The following FYN variants were observed in gnomAD, a reference collection of about 807,000 sequenced individuals.
The protein encoded by FYN is FYN proto-oncogene, Src family tyrosine kinase.
In FYN, 10 loss-of-function variants were observed where a neutral mutation model predicts 70.2. The ratio of observed to expected loss-of-function variants is 0.14; its 90% CI spans 0.09 to 0.24. The LOEUF is 0.24. Among genes scored for constraint, FYN ranks in the 10% least tolerant of loss-of-function variants. The probability of loss-of-function intolerance (pLI) is 1.00; values close to 1 mark genes in which losing one functional copy is unlikely to be tolerated. For missense variants in FYN, 319 were observed against 673.1 expected, an observed-to-expected ratio of 0.47 and a Z score of 5.82; for synonymous variants, 236 against 248.6, an observed-to-expected ratio of 0.95 and a Z score of 0.48.
chr6:111,734,893 T>C (rs1450083901), intron 3 of FYN, among the ~76,000 whole-genome samples: 6 of 152,188 alleles, frequency 3.9e-5, no homozygotes, highest in African/African-American at 1.4e-4. Flanking sequence ...GGGCTGCCGG[T>C]ATAAAGTCAA....
At chr6:111,719,635 C>T in intron 4 of FYN, 170 bp downstream of exon 4, 5 of 753,474 alleles carry the variant, frequency 6.6e-6, no homozygotes, top group Non-Finnish European at 8.3e-6. Context: ...TTTGTTTGTA[C>T]ATCAAACTCT....
chr6:111,857,016 G>A (rs1237870269), intron 1 of FYN, among the ~76,000 whole-genome samples: 4 of 152,118 alleles, frequency 2.6e-5, no homozygotes. Context: ...GAGATGAAAT[G>A]CAATTAAAAA....
intron 2 of FYN, among the ~76,000 whole-genome samples, chr6:111,788,481 G>A (rs572810436): frequency 6.6e-6 from 1 of 152,286 alleles, no homozygotes; most frequent in East Asian, 1.9e-4. Flanking sequence ...ACTGCTGTGT[G>A]AGTCTTTGTT....
At chr6:111,678,597 C>A (rs928960454) in intron 12 of FYN, among the ~76,000 whole-genome samples, 9 of 152,126 alleles carry the variant, frequency 5.9e-5, no homozygotes, top group African/African-American at 2.2e-4. Context: ...TCTCTCGAGT[C>A]CCTGACTTGC....
At chr6:111,679,384 T>C (rs1798688050) in intron 12 of FYN, among the ~76,000 whole-genome samples, 1 of 152,162 alleles carries the variant, frequency 6.6e-6, no homozygotes, top group African/African-American at 2.4e-5. Context: ...TAAAGGGCAA[T>C]GAATGCATGA....
intron 3 of FYN, among the ~76,000 whole-genome samples, chr6:111,757,185 TTCTA>T (rs1200168072): frequency 6.6e-6 from 1 of 152,204 alleles, no homozygotes; most frequent in Non-Finnish European, 1.5e-5. Flanking sequence ...AAAATTTTAT[TTCTA>T]TCCACGAGCA....
intron 13 of FYN, among the ~76,000 whole-genome samples, chr6:111,663,269 T>C (rs1014714846): frequency 6.6e-6 from 1 of 152,210 alleles, no homozygotes; most frequent in African/African-American, 2.4e-5. Context: ...TTTCTTCCCC[T>C]ATTTCCCAGG....
intron 13 of FYN, among the ~76,000 whole-genome samples, chr6:111,669,892 C>T (rs1053304291): frequency 9.2e-5 from 14 of 151,860 alleles, no homozygotes; most frequent in Admixed American, 9.2e-4. Context: ...GGGGGCCCAA[C>T]AGAAATATGC....
At chr6:111,847,158 TC>T (rs1773555736) in intron 1 of FYN, among the ~76,000 whole-genome samples, 1 of 152,202 alleles carries the variant, frequency 6.6e-6, no homozygotes, top group Non-Finnish European at 1.5e-5. Flanking sequence ...CAGCTGGGGT[TC>T]CCCTCTGCAG....
chr6:111,833,959 T>C (rs561262135), intron 2 of FYN, among the ~76,000 whole-genome samples: 2 of 152,260 alleles, frequency 1.3e-5, no homozygotes, highest in East Asian at 1.9e-4. Flanking sequence ...ACTCATACAA[T>C]GAGTGGACCA....
In FYN at chr6:111,860,070, G is replaced by C. The variant is rs1261269093; in HGVS notation, c.-123+12898C>G. The stretch of plus-strand genomic sequence containing the variant: ...GGCAGCCACAGAGAAGCCTGGGACA[G>C]AATCTCCTTCAGGGACTCCATAAGA... On this transcript the variant is annotated intron_variant, in intron 1 of 13. Transcript: ENST00000354650. Among the ~76,000 whole-genome samples, 8 of 152,222 alleles carry C rather than the reference G, an allele frequency of 5.3e-5. No individual in the cohort carries two copies. The East Asian group carries it at 1.4e-3, about 26-fold the overall frequency.
At chr6:111,674,814 C>T (rs1019582682) in intron 12 of FYN, among the ~76,000 whole-genome samples, 184 bp from the exon 13 acceptor site, 1 of 151,930 alleles carries the variant, frequency 6.6e-6, no homozygotes, top group Admixed American at 6.6e-5. Flanking sequence ...GACTGTGTGA[C>T]CGTAAGTAAT....
intron 12 of FYN, among the ~76,000 whole-genome samples, chr6:111,691,801 A>G (rs1417427096): frequency 6.6e-6 from 1 of 152,240 alleles, no homozygotes; most frequent in Non-Finnish European, 1.5e-5. Flanking sequence ...TGTTCTTTTG[A>G]TCACTGACTT....
At chr6:111,704,806 T>C (rs1385828104) in intron 6 of FYN, among the ~76,000 whole-genome samples, 1 of 152,000 alleles carries the variant, frequency 6.6e-6, no homozygotes, top group African/African-American at 2.4e-5. Flanking sequence ...CTCATGCCTG[T>C]AATCCTAGCA....
intron 2 of FYN, among the ~76,000 whole-genome samples, chr6:111,783,265 C>A (rs1771243336): frequency 6.6e-6 from 1 of 152,216 alleles, no homozygotes; most frequent in Admixed American, 6.5e-5. Context: ...TCACCATTGG[C>A]AGCATTTTTC....
intron 2 of FYN, among the ~76,000 whole-genome samples, chr6:111,803,031 CCTAG>C (rs1244038923): frequency 6.6e-6 from 1 of 152,196 alleles, no homozygotes; most frequent in Non-Finnish European, 1.5e-5. Context: ...AATCCAGCAG[CCTAG>C]CTGTTTACCC....
At chr6:111,840,970 T>A (rs1426562044) in intron 2 of FYN, among the ~76,000 whole-genome samples, 2 of 152,150 alleles carry the variant, frequency 1.3e-5, no homozygotes, top group African/African-American at 4.8e-5. Context: ...TGGTACAAAG[T>A]ATGTAGGTGA....
chr6:111,787,024 G>A (rs568853180), intron 2 of FYN, among the ~76,000 whole-genome samples: 105 of 151,828 alleles, frequency 6.9e-4, no homozygotes, highest in East Asian at 1.7e-3. Flanking sequence ...TTGCCTGTTC[G>A]CTCTGATGGT....
intron 3 of FYN, among the ~76,000 whole-genome samples, chr6:111,762,084 T>G (rs1241104797): frequency 6.6e-6 from 1 of 152,036 alleles, no homozygotes; most frequent in African/African-American, 2.4e-5. Context: ...TTTGGGTAAA[T>G]GGTAAAAAGA....
Sources: gnomAD v4.1 joint callset for allele counts (sites outside exome capture counted in the v4.1 genomes callset) on GRCh38, gnomAD v4.1.1 for gene constraint, MANE v1.5 for transcripts, NCBI Gene and HGNC (gene_info 2026-07-23, HGNC 2026-07-21) for gene names.